The following MACROD2 variants were observed in gnomAD, a reference collection of about 807,000 sequenced individuals.
MACROD2 encodes the protein mono-ADP ribosylhydrolase 2.
In MACROD2, 36 loss-of-function variants were observed where a neutral mutation model predicts 70.4. That is an observed-to-expected ratio of 0.51 (90% CI 0.39 to 0.68). The LOEUF is 0.68. MACROD2 is among the 30% of genes least tolerant of loss of function. The probability of loss-of-function intolerance (pLI) is 0.00; values close to 1 mark genes in which losing one functional copy is unlikely to be tolerated. For missense variants in MACROD2, 496 were observed against 538.4 expected (o/e 0.92, Z 0.78); for synonymous variants, 172 against 178.8 (o/e 0.96, Z 0.30).
intron 4 of MACROD2, among the ~76,000 whole-genome samples, chr20:14,538,009 T>G (rs2085387587): frequency 6.6e-6 from 1 of 152,226 alleles, no homozygotes; most frequent in African/African-American, 2.4e-5. Flanking sequence ...ATTGTAGTGG[T>G]AGTGCTATTT....
At chr20:15,140,434 T>A (rs1056821050) in intron 5 of MACROD2, among the ~76,000 whole-genome samples, 4 of 152,162 alleles carry the variant, frequency 2.6e-5, no homozygotes. Flanking sequence ...TATTATAATA[T>A]GTATAACCGA....
chr20:14,717,004 C>T (rs576127200), intron 5 of MACROD2, among the ~76,000 whole-genome samples: 2 of 152,040 alleles, frequency 1.3e-5, no homozygotes, highest in South Asian at 4.2e-4. Context: ...GAAATAAAAA[C>T]TCTTCATTTT....
At chr20:15,515,478 C>A (rs1394628625) in intron 8 of MACROD2, among the ~76,000 whole-genome samples, 1 of 152,158 alleles carries the variant, frequency 6.6e-6, no homozygotes, top group Non-Finnish European at 1.5e-5. Context: ...TTTTCCTTGG[C>A]CTTAGGAAAA....
At chr20:14,150,165 T>G (rs1322892052) in intron 3 of MACROD2, among the ~76,000 whole-genome samples, 1 of 152,132 alleles carries the variant, frequency 6.6e-6, no homozygotes, top group Non-Finnish European at 1.5e-5. Context: ...TCCTGGACCC[T>G]CTGATTTTCT....
At chr20:14,451,470 C>A (rs868242237) in intron 3 of MACROD2, among the ~76,000 whole-genome samples, 27 of 152,134 alleles carry the variant, frequency 1.8e-4, no homozygotes, top group Middle Eastern at 3.4e-3. Context: ...AGTGTGTTAC[C>A]CCAAGCATGT....
At chr20:15,975,286 G>A (rs923359640) in intron 13 of MACROD2, among the ~76,000 whole-genome samples, 3 of 151,982 alleles carry the variant, frequency 2.0e-5, no homozygotes, top group Admixed American at 6.5e-5. Context: ...CATAATATTC[G>A]TGGGAGACTG....
At chr20:15,051,088 T>C (rs975105979) in intron 5 of MACROD2, among the ~76,000 whole-genome samples, 1 of 151,886 alleles carries the variant, frequency 6.6e-6, no homozygotes, top group African/African-American at 2.4e-5. Context: ...AAATCCCTTT[T>C]TAAAAACCTG....
chr20:14,481,043 A>G (rs1568632268), intron 3 of MACROD2, among the ~76,000 whole-genome samples: 2 of 152,140 alleles, frequency 1.3e-5, no homozygotes, highest in African/African-American at 4.8e-5. Context: ...TGATTGTCCT[A>G]AAGTCAAGAA....
intron 3 of MACROD2, among the ~76,000 whole-genome samples, chr20:14,098,036 A>T (rs1283567493): frequency 3.3e-5 from 5 of 152,208 alleles, no homozygotes; most frequent in African/African-American, 1.2e-4. Context: ...AGCCTATTTC[A>T]CAGGTCTGTT....
At chr20:14,259,677 T>C (rs940003306) in intron 3 of MACROD2, among the ~76,000 whole-genome samples, 8 of 152,016 alleles carry the variant, frequency 5.3e-5, no homozygotes, top group Admixed American at 3.3e-4. Context: ...AGGGAGCTGC[T>C]GGCCTAATGG....
intron 12 of MACROD2, among the ~76,000 whole-genome samples, chr20:15,965,380 C>T (rs1435138326): frequency 2.0e-5 from 3 of 152,094 alleles, no homozygotes; most frequent in African/African-American, 7.2e-5. Flanking sequence ...CTCATTAGAT[C>T]ATAAACTTGT....
At chr20:14,710,720 T>C (rs1441421799) in intron 5 of MACROD2, among the ~76,000 whole-genome samples, 2 of 152,196 alleles carry the variant, frequency 1.3e-5, no homozygotes, top group Non-Finnish European at 2.9e-5. Flanking sequence ...TAACTTATTA[T>C]CATTTTTTAT....
At chr20:15,515,896 G>A (rs987937908) in intron 8 of MACROD2, among the ~76,000 whole-genome samples, 1 of 152,176 alleles carries the variant, frequency 6.6e-6, no homozygotes, top group African/African-American at 2.4e-5. Context: ...GCAGTGTGCT[G>A]GAGTTAGGCA....
At chr20:14,758,155 A>G (rs924194269) in intron 5 of MACROD2, 1 of 307,904 alleles carries the variant, frequency 3.2e-6, no homozygotes, top group Non-Finnish European at 6.2e-6. Flanking sequence ...CAGATTTATT[A>G]AAAAAATAAA....
chr20:15,032,660 A>T (rs936874187), intron 5 of MACROD2, among the ~76,000 whole-genome samples: 4 of 152,254 alleles, frequency 2.6e-5, no homozygotes, highest in Non-Finnish European at 5.9e-5. Context: ...TGTGGAAAGC[A>T]GTTTGACAGA....
At chr20:14,902,404 C>T (rs1368413485) in intron 5 of MACROD2, among the ~76,000 whole-genome samples, 1 of 152,170 alleles carries the variant, frequency 6.6e-6, no homozygotes, top group East Asian at 1.9e-4. Context: ...AAAGAGAGAA[C>T]ATTTCAAAGT....
chr20:14,304,236 C>G (rs536218544), intron 3 of MACROD2, among the ~76,000 whole-genome samples: 1 of 152,222 alleles, frequency 6.6e-6, no homozygotes, highest in African/African-American at 2.4e-5. Flanking sequence ...TATCAGAGCT[C>G]TCTTTCAAAG....
intron 3 of MACROD2, among the ~76,000 whole-genome samples, chr20:14,482,187 G>A (rs1161244002): frequency 6.6e-6 from 1 of 151,648 alleles, no homozygotes; most frequent in Admixed American, 6.6e-5. Context: ...GCTTCTGCAT[G>A]AGCCAGCATA....
At chr20:15,810,922 A>G (rs1334698041) in intron 8 of MACROD2, among the ~76,000 whole-genome samples, 2 of 150,330 alleles carry the variant, frequency 1.3e-5, no homozygotes, top group South Asian at 2.1e-4. Flanking sequence ...CTTACACCTT[A>G]TACAAAAATC....
Sources: allele counts gnomAD v4.1 joint callset (sites outside exome capture counted in the v4.1 genomes callset), GRCh38; gene constraint gnomAD v4.1.1; transcripts MANE v1.5; gene names NCBI Gene and HGNC (gene_info 2026-07-23, HGNC 2026-07-21).